PACSIN2: variants seen among roughly 807,000 people sequenced by gnomAD.
PACSIN2 encodes protein kinase C and casein kinase substrate in neurons 2.
PACSIN2 carries 25 observed loss-of-function variants against 63.8 expected under a neutral mutation model. The ratio of observed to expected loss-of-function variants is 0.39; its 90% CI spans 0.29 to 0.55. PACSIN2 has a LOEUF of 0.55. Ranked by LOEUF, PACSIN2 falls within the 20% of genes least tolerant of loss-of-function variation. The pLI is 0.62. For missense variants in PACSIN2, 518 were observed against 646.9 expected, an observed-to-expected ratio of 0.80 and a Z score of 2.16; for synonymous variants, 255 against 256.2, an observed-to-expected ratio of 1.00 and a Z score of 0.05.
chr22:42,877,956 G>T (rs1285123557), intron 8 of PACSIN2, among the ~76,000 whole-genome samples: 2 of 152,236 alleles, frequency 1.3e-5, no homozygotes, highest in Admixed American at 6.5e-5. Context: ...TGCCACCAGG[G>T]TGATCCTGAG....
intron 1 of PACSIN2, among the ~76,000 whole-genome samples, chr22:43,004,285 T>C (rs1291534959): frequency 6.6e-6 from 1 of 152,158 alleles, no homozygotes; most frequent in Admixed American, 6.5e-5. Flanking sequence ...GGCAGGAATG[T>C]AAAGCTTCTT....
intron 2 of PACSIN2, among the ~76,000 whole-genome samples, chr22:42,901,948 G>A (rs1930719602): frequency 6.6e-6 from 1 of 152,230 alleles, no homozygotes; most frequent in Non-Finnish European, 1.5e-5. Flanking sequence ...TGCAGAGGGA[G>A]CAGTTTCCAG....
At chr22:42,973,725 C>T (rs761710414) in intron 1 of PACSIN2, among the ~76,000 whole-genome samples, 4 of 152,234 alleles carry the variant, frequency 2.6e-5, no homozygotes, top group Admixed American at 6.5e-5. Flanking sequence ...CAGAAACAGG[C>T]CTGCTACACT....
chr22:43,009,430 T>C (rs188536570), intron 1 of PACSIN2, among the ~76,000 whole-genome samples: 9 of 152,336 alleles, frequency 5.9e-5, no homozygotes, highest in African/African-American at 2.2e-4. Context: ...ATATCACAGG[T>C]GAGAGGGAGC....
intron 3 of PACSIN2, among the ~76,000 whole-genome samples, chr22:42,892,879 T>C (rs563014858): frequency 6.6e-6 from 1 of 152,224 alleles, no homozygotes; most frequent in South Asian, 2.1e-4. Flanking sequence ...TCAGTCAAGT[T>C]CCCCTTCCCT....
At chr22:42,995,514 A>G (rs1923337152) in intron 1 of PACSIN2, among the ~76,000 whole-genome samples, 1 of 152,178 alleles carries the variant, frequency 6.6e-6, no homozygotes, top group South Asian at 2.1e-4. Context: ...CAGGACCTTA[A>G]AAGTCACAGC....
intron 1 of PACSIN2, among the ~76,000 whole-genome samples, chr22:43,000,087 C>T (rs1206536105): frequency 6.6e-6 from 1 of 152,226 alleles, no homozygotes; most frequent in African/African-American, 2.4e-5. Context: ...AATCTGGTTG[C>T]AGAGCTCCTT....
At chr22:42,955,054 T>C (rs1933855921) in intron 1 of PACSIN2, among the ~76,000 whole-genome samples, 1 of 152,082 alleles carries the variant, frequency 6.6e-6, no homozygotes, top group Non-Finnish European at 1.5e-5. Context: ...CTAAAACTCA[T>C]CATCAAACTG....
intron 1 of PACSIN2, among the ~76,000 whole-genome samples, chr22:42,937,411 G>A (rs758885641): frequency 2.6e-5 from 4 of 152,114 alleles, no homozygotes; most frequent in African/African-American, 4.8e-5. Context: ...GCAGGCGGCA[G>A]TAGAAATAAC....
chr22:42,977,638 G>A (rs752103468), intron 1 of PACSIN2, among the ~76,000 whole-genome samples: 10 of 152,308 alleles, frequency 6.6e-5, no homozygotes, highest in East Asian at 1.9e-4. Context: ...CAAATCTCAC[G>A]GCAAATTGTA....
intron 2 of PACSIN2, among the ~76,000 whole-genome samples, chr22:42,896,634 C>T (rs1402431027): frequency 1.3e-5 from 2 of 152,192 alleles, no homozygotes; most frequent in Non-Finnish European, 2.9e-5. Flanking sequence ...TTCCATGACT[C>T]TTCGGTGAAT....
At chr22:42,911,468 G>T (rs1931454459) in intron 2 of PACSIN2, among the ~76,000 whole-genome samples, 1 of 151,564 alleles carries the variant, frequency 6.6e-6, no homozygotes, top group South Asian at 2.1e-4. Context: ...AAAGTAAGTG[G>T]GACTCAGGAA....
chr22:42,983,650 T>G (rs1423878771), intron 1 of PACSIN2, among the ~76,000 whole-genome samples: 1 of 152,154 alleles, frequency 6.6e-6, no homozygotes, highest in Non-Finnish European at 1.5e-5. Flanking sequence ...TTTTAAGAGA[T>G]AGGGTCTTGC....
At chr22:42,936,118 A>C (rs1369091762) in intron 1 of PACSIN2, among the ~76,000 whole-genome samples, 1 of 151,836 alleles carries the variant, frequency 6.6e-6, no homozygotes, top group African/African-American at 2.4e-5. Flanking sequence ...CAGGAGGCAG[A>C]GGCAGGAGAA....
chr22:42,919,938 TAAA>T (rs753694505), intron 1 of PACSIN2, among the ~76,000 whole-genome samples: 2 of 132,528 alleles, frequency 1.5e-5, no homozygotes. Context: ...CCACCATCTC[TAAA>T]AAAAAAAAAA....
intron 1 of PACSIN2, among the ~76,000 whole-genome samples, chr22:42,999,111 C>T (rs1239880966): frequency 1.3e-5 from 2 of 152,176 alleles, no homozygotes; most frequent in Non-Finnish European, 2.9e-5. Context: ...ACTCTTAAGC[C>T]GTTTAACACT....
chr22:42,904,494 G>A lies in PACSIN2; in HGVS notation c.60+7527C>T, dbSNP rs12167967. Among the ~76,000 whole-genome samples the A allele has an allele frequency of 8.8e-3, 1,343 of 152,312 alleles. 18 individuals are homozygous for A. Among genetic ancestry groups the A allele is most frequent in the African/African-American group, 0.031 (1,291 of 41,550 alleles). The stretch of plus-strand genomic sequence containing the variant: ...CTGCCATGGCGAGATCACCTGCCCG[G>A]TCCCTAAGCTCGCTGAAGACCTGAG... On this transcript the variant is annotated intron_variant, in intron 2 of 10. Transcript: ENST00000263246.
chr22:42,873,150 A>C (rs952225056), intron 10 of PACSIN2, among the ~76,000 whole-genome samples: 6 of 152,254 alleles, frequency 3.9e-5, no homozygotes, highest in Non-Finnish European at 8.8e-5. Flanking sequence ...ACATTGTGCA[A>C]ATGTGAACTG....
intron 1 of PACSIN2, among the ~76,000 whole-genome samples, chr22:43,006,862 T>G (rs1455050629): frequency 2.6e-5 from 4 of 152,116 alleles, no homozygotes; most frequent in African/African-American, 7.2e-5. Flanking sequence ...GCTACTGCAT[T>G]CTCAACCAAA....
Sources: gnomAD v4.1 joint callset for allele counts (sites outside exome capture counted in the v4.1 genomes callset) on GRCh38, gnomAD v4.1.1 for gene constraint, MANE v1.5 for transcripts, NCBI Gene and HGNC (gene_info 2026-07-23, HGNC 2026-07-21) for gene names.